Variants in AVL9 observed in about 807,000 individuals in gnomAD.
AVL9 encodes late secretory pathway protein AVL9 homolog.
In AVL9, 49 loss-of-function variants were observed where a neutral mutation model predicts 79.2. The observed-to-expected ratio is 0.62, with a 90% CI of 0.49 to 0.79. AVL9 has a LOEUF of 0.79. Ranked by LOEUF, AVL9 falls within the 30% of genes least tolerant of loss-of-function variation. AVL9 has a pLI of 0.00. For synonymous variants in AVL9, 299 were observed against 280.6 expected (o/e 1.07, Z -0.65); for missense variants, 682 against 776.8 (o/e 0.88, Z 1.45).
intron 11 of AVL9, among the ~76,000 whole-genome samples, chr7:32,570,455 C>T (rs1342913277): frequency 6.6e-6 from 1 of 152,132 alleles, no homozygotes; most frequent in Non-Finnish European, 1.5e-5. Flanking sequence ...GCAACTGGGC[C>T]TACCACTACC....
At chr7:32,541,617 T>C (rs1789211497) in intron 1 of AVL9, among the ~76,000 whole-genome samples, 1 of 152,146 alleles carries the variant, frequency 6.6e-6, no homozygotes, top group Non-Finnish European at 1.5e-5. Flanking sequence ...TTTAGAAAAT[T>C]GTCCAACAAA....
At chr7:32,577,044 A>G (rs1341968955) in intron 13 of AVL9, among the ~76,000 whole-genome samples, 1 of 152,008 alleles carries the variant, frequency 6.6e-6, no homozygotes, top group East Asian at 1.9e-4. Context: ...TTCTAAATTA[A>G]AAGATAAGGC....
At chr7:32,579,353 AATATATAAC>A (rs1791258976) in intron 13 of AVL9, among the ~76,000 whole-genome samples, 3 of 82,690 alleles carry the variant, frequency 3.6e-5, no homozygotes, top group Non-Finnish European at 7.1e-5. Context: ...TATTTTATAT[AATATATAAC>A]ATATATAATA....
intron 1 of AVL9, among the ~76,000 whole-genome samples, chr7:32,498,193 G>C (rs972214684): frequency 1.4e-5 from 2 of 147,750 alleles, no homozygotes; most frequent in Non-Finnish European, 3.0e-5. Context: ...GAAAATGTTA[G>C]TTCATTTTGT....
At chr7:32,503,365 T>TAG (rs796351504) in intron 1 of AVL9, among the ~76,000 whole-genome samples, 1 of 103,114 alleles carries the variant, frequency 9.7e-6, no homozygotes, top group East Asian at 2.8e-4. Context: ...TAGAGAGATA[T>TAG]ATATATATAC....
chr7:32,562,522 C>A, intron 10 of AVL9: 2 of 555,230 alleles, frequency 3.6e-6, no homozygotes, highest in Non-Finnish European at 4.6e-6. Context: ...AACTTAAATG[C>A]AATATAGTAA....
At chr7:32,576,352 A>G (rs1791098648) in intron 13 of AVL9, among the ~76,000 whole-genome samples, 1 of 152,238 alleles carries the variant, frequency 6.6e-6, no homozygotes, top group Admixed American at 6.5e-5. Context: ...TGCTCAGTAC[A>G]CAATGATTCT....
rs1293310359 is a variant in AVL9, at chr7:32,585,686, CTT to C, written c.*1781_*1782del. 1.3e-5 allele frequency: 2 copies of C among 152,146 alleles called. No homozygotes were observed. The highest frequency in any genetic ancestry group is 2.9e-5 in the Non-Finnish European group (2 of 68,010). 9.4% of individuals were successfully genotyped at this position (152,146 alleles called of 1,614,324 possible). ...AATCTAAATGTCTCTAAATTTTCCA[CTT>C]TGTGTTTTCTAAACACAAATTGTAT... On this transcript the variant is annotated 3_prime_UTR_variant, in exon 16 of 16. Coordinates refer to ENST00000318709, the MANE Select transcript of AVL9 (RefSeq NM_015060.3).
chr7:32,577,477 GTCTC>G (rs777245265), intron 13 of AVL9, among the ~76,000 whole-genome samples: 6 of 152,166 alleles, frequency 3.9e-5, no homozygotes, highest in Non-Finnish European at 7.3e-5. Flanking sequence ...TGACAACAAA[GTCTC>G]TATTCTCAGC....
At chr7:32,549,226 TATAA>T (rs1562781398) in intron 4 of AVL9, among the ~76,000 whole-genome samples, 1 of 120,536 alleles carries the variant, frequency 8.3e-6, no homozygotes. Flanking sequence ...TATATATATA[TATAA>T]TTTTTTTTTT....
intron 1 of AVL9, among the ~76,000 whole-genome samples, chr7:32,520,548 T>C (rs1788096645): frequency 6.6e-6 from 1 of 152,154 alleles, no homozygotes; most frequent in Non-Finnish European, 1.5e-5. Context: ...AAAAGGAGAC[T>C]TCCTAACTCT....
At chr7:32,539,521 A>G (rs553098603) in intron 1 of AVL9, among the ~76,000 whole-genome samples, 15 of 152,326 alleles carry the variant, frequency 9.8e-5, no homozygotes, top group Non-Finnish European at 2.1e-4. Flanking sequence ...AGTCTCCGGG[A>G]ACATAACACA....
chr7:32,505,230 A>G (rs1026562993), intron 1 of AVL9, among the ~76,000 whole-genome samples: 20 of 151,994 alleles, frequency 1.3e-4, no homozygotes, highest in African/African-American at 4.6e-4. Context: ...AAAGTTTTAG[A>G]AAATAAACGC....
At chr7:32,503,369 T>TACACACACACACACACAC (rs1237567459) in intron 1 of AVL9, among the ~76,000 whole-genome samples, 8 of 101,334 alleles carry the variant, frequency 7.9e-5, no homozygotes, top group East Asian at 3.0e-4. Context: ...GAGATATATA[T>TACACACACACACACACAC]ATATACACAC....
intron 1 of AVL9, among the ~76,000 whole-genome samples, chr7:32,498,237 ATTTTT>A (rs10547851): frequency 1.1e-5 from 1 of 89,812 alleles, no homozygotes; most frequent in Non-Finnish European, 2.0e-5. Context: ...AAGTCCTCAG[ATTTTT>A]TTTTTTTTTT....
chr7:32,550,965 CTT>C (rs2128138013), intron 4 of AVL9, among the ~76,000 whole-genome samples: 1 of 152,240 alleles, frequency 6.6e-6, no homozygotes, highest in South Asian at 2.1e-4. Flanking sequence ...TTACCAAGTG[CTT>C]TTACCTGTTA....
At chr7:32,515,151 A>G (rs760652279) in intron 1 of AVL9, among the ~76,000 whole-genome samples, 13 of 152,202 alleles carry the variant, frequency 8.5e-5, no homozygotes, top group Non-Finnish European at 1.9e-4. Context: ...GAGCCTAACC[A>G]CCTTGGGCAT....
At chr7:32,558,443 A>T in intron 8 of AVL9, 116 bp from the exon 9 acceptor site, 2 of 716,244 alleles carry the variant, frequency 2.8e-6, no homozygotes, top group Non-Finnish European at 4.6e-6. Flanking sequence ...GGCATGAGCC[A>T]CTGCGCCCGG....
At position 32,559,046 on chromosome 7, in the gene AVL9, C is replaced by T; in HGVS notation, c.797C>T (p.Thr266Ile). ...PCADDFVSAS[T>I]ADVSHTNLGT... ...GCAGATGATTTTGTTTCTGCATCCA[C>T]TGCTGATGTTTCACATACCAACTTG... Residue 266 changes from threonine to isoleucine, a missense_variant, in exon 10 of 16, where the codon ACT (threonine) becomes ATT (isoleucine). Thr to Ile is a moderately conservative substitution (Grantham distance 89). Transcript: ENST00000318709. The T allele has an allele frequency of 3.1e-6, 5 of 1,614,132 alleles. No homozygotes were observed. Among genetic ancestry groups the T allele is most frequent in the Non-Finnish European group, 4.2e-6 (5 of 1,180,004 alleles).
Sources: allele counts gnomAD v4.1 joint callset (sites outside exome capture counted in the v4.1 genomes callset), GRCh38; gene constraint gnomAD v4.1.1; transcripts MANE v1.5; gene names NCBI Gene and HGNC (gene_info 2026-07-23, HGNC 2026-07-21).